Variants in ARHGAP29 observed in about 807,000 individuals in gnomAD.
ARHGAP29 encodes the protein rho GTPase-activating protein 29.
In ARHGAP29, 43 loss-of-function variants were observed where a neutral mutation model predicts 122.6. The observed-to-expected ratio is 0.35, with a 90% CI of 0.27 to 0.45. The LOEUF (loss-of-function observed/expected upper bound fraction) is 0.45. Ranked by LOEUF, ARHGAP29 falls within the 20% of genes least tolerant of loss-of-function variation. The pLI is 1.00. For missense variants in ARHGAP29, 1,303 were observed against 1,477.2 expected, an observed-to-expected ratio of 0.88 and a Z score of 1.93; for synonymous variants, 506 against 497.1, an observed-to-expected ratio of 1.02 and a Z score of -0.24.
chr1:94,287,163 C>T, the ARHGAP29 span, among the ~76,000 whole-genome samples: 214 of 152,206 alleles, frequency 1.4e-3, no homozygotes, highest in African/African-American at 4.8e-3. Context: ...TAAACACTTT[C>T]GTTTACTGGT....
chr1:94,177,853 T>A lies in ARHGAP29; in HGVS notation c.2795A>T (p.Glu932Val). ...SMKSLFFSSK[E>V]DIHTSESESK... ...TAATTCTATAAAGGTCAAACTCACT[T>A]CCTTTGAAGAAAAAAATAGTGACTT... The change falls in exon 21 of 23, where the codon GAA (glutamate) becomes GTA (valine). Residue 932 changes from glutamate (E) to valine (V), a missense_variant and splice_region_variant. By Grantham distance (121) the Glu-to-Val change is moderately radical. Transcript: ENST00000260526. 1 of 1,604,468 alleles carries A rather than the reference T, an allele frequency of 6.2e-7. No individual in the cohort carries two copies. Among genetic ancestry groups the A allele is most frequent in the Non-Finnish European group, 8.5e-7 (1 of 1,176,838 alleles).
chr1:94,184,133 A>C lies in ARHGAP29; in HGVS notation c.2247+18T>G, dbSNP rs1342710833. 1.2e-6 allele frequency: 2 copies of C among 1,600,892 alleles called. No individual in the cohort carries two copies. Among genetic ancestry groups the C allele is most frequent in the African/African-American group, 2.7e-5 (2 of 74,124 alleles). On this transcript the variant is annotated intron_variant, in intron 19 of 22. Coordinates refer to ENST00000260526, the MANE Select transcript of ARHGAP29 (RefSeq NM_004815.4). ...TGTTTTTAATTTAATGGTGGGTTTC[A>C]AGGGTAAAAATTTTTACCTGCCGAA...
At chr1:94,203,887 T>C (rs1651022238) in intron 8 of ARHGAP29, 43 bp downstream of exon 8, 2 of 1,551,980 alleles carry the variant, frequency 1.3e-6, no homozygotes, top group African/African-American at 1.4e-5. Flanking sequence ...AGTTCATGAG[T>C]AGTTTCTTAT....
chr1:94,239,134 T>C (rs1653473872), upstream of ARHGAP29, among the ~76,000 whole-genome samples: 2 of 151,774 alleles, frequency 1.3e-5, no homozygotes, highest in Non-Finnish European at 2.9e-5. Flanking sequence ...AAAAGAAAAA[T>C]GCGCCAAGGA....
At chr1:94,284,813 A>ATTTT in the ARHGAP29 span, among the ~76,000 whole-genome samples, 1 of 152,198 alleles carries the variant, frequency 6.6e-6, no homozygotes. Context: ...AGTTTCTTTG[A>ATTTT]TTTCTAAGCC....
At chr1:94,236,186 T>A (rs1001727274) in intron 1 of ARHGAP29, among the ~76,000 whole-genome samples, 17 of 151,542 alleles carry the variant, frequency 1.1e-4, no homozygotes, top group Admixed American at 6.6e-4. Context: ...TGAGAAAGAG[T>A]TTTATCAATA....
chr1:94,256,627 C>T (rs1445953057), intron 1 of ARHGAP29, among the ~76,000 whole-genome samples: 2 of 125,756 alleles, frequency 1.6e-5, no homozygotes, highest in Non-Finnish European at 3.1e-5. Flanking sequence ...GCGCGATTCT[C>T]GGCTCACTGC....
At position 94,237,485 on chromosome 1, in the gene ARHGAP29, G is replaced by C. The variant is rs1054518705; in HGVS notation, c.-103C>G. ...CCTACGGCCGCCGCCACCGCCGAGG[G>C]CTGGAGCTCGCTGCCCCCATCCCCC... On this transcript the variant is annotated 5_prime_UTR_variant, in exon 1 of 23. Transcript: ENST00000260526. 1.7e-4 allele frequency: 169 copies of C among 988,978 alleles called. No homozygotes were observed. Among genetic ancestry groups the C allele is most frequent in the Non-Finnish European group, 2.0e-4 (163 of 832,504 alleles). 61.3% of individuals were successfully genotyped at this position (988,978 alleles called of 1,614,324 possible).
intron 1 of ARHGAP29, among the ~76,000 whole-genome samples, chr1:94,257,574 G>T (rs1197150799): frequency 6.6e-6 from 1 of 152,076 alleles, no homozygotes; most frequent in Non-Finnish European, 1.5e-5. Context: ...ACTGAGCATA[G>T]TGGCACATGC....
intron 1 of ARHGAP29, among the ~76,000 whole-genome samples, chr1:94,272,241 C>T (rs1655019439): frequency 6.6e-6 from 1 of 152,178 alleles, no homozygotes; most frequent in Admixed American, 6.5e-5. Flanking sequence ...GGGTGAGTGT[C>T]ACTTTGGCTC....
chr1:94,207,622 T>G (rs558137877), intron 5 of ARHGAP29, among the ~76,000 whole-genome samples: 41 of 152,260 alleles, frequency 2.7e-4, no homozygotes, highest in East Asian at 1.7e-3. Flanking sequence ...GGAATAATCA[T>G]GAATAATAGC....
chr1:94,300,117 C>T, the ARHGAP29 span, among the ~76,000 whole-genome samples: 1 of 152,212 alleles, frequency 6.6e-6, no homozygotes, highest in African/African-American at 2.4e-5. Context: ...CCCACCTGTA[C>T]TTCTTCCTTC....
chr1:94,250,648 G>T (rs1168477063), intron 1 of ARHGAP29: 1 of 152,126 alleles, frequency 6.6e-6, no homozygotes, highest in South Asian at 2.1e-4. Context: ...AATCAATTCA[G>T]ACCTCATGCT....
At chr1:94,228,408 T>A (rs561044012) in intron 2 of ARHGAP29, among the ~76,000 whole-genome samples, 6 of 151,886 alleles carry the variant, frequency 4.0e-5, no homozygotes, top group African/African-American at 1.4e-4. Flanking sequence ...TAGCATCTGG[T>A]ACAAGTGCCT....
the ARHGAP29 span, among the ~76,000 whole-genome samples, chr1:94,291,004 T>A: frequency 6.6e-6 from 1 of 151,980 alleles, no homozygotes; most frequent in Admixed American, 6.6e-5. Context: ...GTTGATCTAA[T>A]ATTGACAGTT....
the ARHGAP29 span, among the ~76,000 whole-genome samples, chr1:94,283,118 C>T: frequency 1.3e-5 from 2 of 152,178 alleles, no homozygotes; most frequent in African/African-American, 2.4e-5. Context: ...TTATTCTAAA[C>T]TGCCAACGCC....
rs1420108994 is a variant in ARHGAP29 at position 94,256,461 on chromosome 1, T to G, written c.-33+18551A>C. Among the ~76,000 whole-genome samples, 3 of 150,826 alleles carry G rather than the reference T, an allele frequency of 2.0e-5. No individual in the cohort carries two copies. In the Admixed American group the frequency reaches 2.0e-4, roughly 10 times the overall value. The stretch of plus-strand genomic sequence containing the variant: ...TCAGAATTTCTTAAGAATAATTGTT[T>G]AGAAGATACTTTCTCTTACATAAAT... On this transcript the variant is annotated intron_variant and NMD_transcript_variant, in intron 1 of 25. Transcript: ENST00000552844.
At chr1:94,263,406 A>AG in intron 1 of ARHGAP29, among the ~76,000 whole-genome samples, 1 of 151,244 alleles carries the variant, frequency 6.6e-6, no homozygotes, top group African/African-American at 2.4e-5. Context: ...AAAAAAAAAA[A>AG]GGTTTGGGGT....
At chr1:94,186,662 A>G in intron 15 of ARHGAP29, 65 bp from the exon 16 acceptor site, 2 of 1,223,372 alleles carry the variant, frequency 1.6e-6, no homozygotes, top group Non-Finnish European at 2.4e-6. Flanking sequence ...ATAGGAAATG[A>G]CAACACTTTT....
Sources: gnomAD v4.1 joint callset for allele counts (sites outside exome capture counted in the v4.1 genomes callset) on GRCh38, gnomAD v4.1.1 for gene constraint, MANE v1.5 for transcripts, NCBI Gene and HGNC (gene_info 2026-07-23, HGNC 2026-07-21) for gene names.